Variants in ZNF839 observed in about 807,000 individuals in gnomAD.
ZNF839 encodes zinc finger protein 839, also known as renal carcinoma antigen NY-REN-50.
A neutral mutation model predicts 56.4 loss-of-function variants in ZNF839; 38 were observed. That is an observed-to-expected ratio of 0.67 (90% CI 0.52 to 0.88). The LOEUF (loss-of-function observed/expected upper bound fraction) is 0.88, where lower values mean the gene tolerates loss of function less well. ZNF839 is among the 40% of genes least tolerant of loss of function. The pLI is 0.00. For missense variants in ZNF839, 1,091 were observed against 1,177.6 expected (o/e 0.93, Z 1.08); for synonymous variants, 486 against 493.5 (o/e 0.98, Z 0.20).
intron 7 of ZNF839, among the ~76,000 whole-genome samples, chr14:102,339,894 C>A (rs1048879660): frequency 2.6e-5 from 4 of 152,180 alleles, no homozygotes; most frequent in Admixed American, 2.6e-4. Context: ...TGAGATTTAA[C>A]ATTTGAAAAC....
intron 2 of ZNF839, among the ~76,000 whole-genome samples, chr14:102,328,369 AAAAAAAATAT>A (rs1217885200): frequency 1.4e-4 from 5 of 35,126 alleles, no homozygotes; most frequent in African/African-American, 5.0e-4. Flanking sequence ...AAAAAAAAAA[AAAAAAAATAT>A]ATATATATAT....
At chr14:102,336,253 C>T (rs1035372541) in intron 5 of ZNF839, among the ~76,000 whole-genome samples, 11 of 149,960 alleles carry the variant, frequency 7.3e-5, no homozygotes, top group African/African-American at 1.7e-4. Flanking sequence ...TTTTCCTGTT[C>T]GACCTCATTT....
Position 102,342,109 on chromosome 14 carries a change from T to C in ZNF839, c.2714T>C (p.Ile905Thr), listed in dbSNP as rs1886599616. 1.9e-6 allele frequency: 3 copies of C among 1,613,860 alleles called. No individual in the cohort carries two copies. The highest frequency in any genetic ancestry group is 1.7e-5 in the Admixed American group (1 of 59,992). ...DGLILSPPGT[I>T]VSQEEDIVTV... ...CTTATCTTGTCCCCTCCAGGTACAA[T>C]AGTGTCTCAGGAGGAGGACATTGTC... The change falls in exon 8 of 8, where the codon ATA (isoleucine) becomes ACA (threonine). Residue 905 changes from isoleucine to threonine, a missense_variant. Transcript: ENST00000442396.
rs376304862 is a variant in ZNF839, at chr14:102,339,187, C to T, written c.1891C>T (p.Arg631Trp). The T allele has an allele frequency of 4.5e-5, 72 of 1,612,050 alleles. No individual in the cohort carries two copies. The highest frequency in any genetic ancestry group is 1.7e-4 in the African/African-American group (13 of 75,032). ...ATCTCTTGCTGCCAACAGCAGAGGC[C>T]GGGAGAAGCCCAGGCCCTTGCATGC... Reference protein sequence around the residue: ...TESLAANSRGREKPRPLHALA... With the variant: ...TESLAANSRGWEKPRPLHALA... The change falls in exon 7 of 8, where the codon CGG (arginine) becomes TGG (tryptophan). Residue 631 changes from arginine to tryptophan, a missense_variant. Arg to Trp is a moderately radical substitution (Grantham distance 101). This residue lies in a region of ZNF839 where 431 missense variants were observed against 468.0 expected (regional missense o/e 0.92). Transcript: ENST00000442396.
rs1290671948 is a variant in ZNF839 at position 102,341,377 on chromosome 14, C to T, written c.1982C>T (p.Thr661Ile). 2 of 1,545,458 alleles carry T rather than the reference C, an allele frequency of 1.3e-6. No individual in the cohort carries two copies. Among genetic ancestry groups the T allele is most frequent in the East Asian group, 2.3e-5 (1 of 44,336 alleles). ...TCTCCCCGTTCTGAAGAAAGCCATA[C>T]AACGACGGTTTCTGGTGGCAATGGG... Reference protein sequence around the residue: ...TVSPRSEESHTTTVSGGNGSV... With the variant: ...TVSPRSEESHITTVSGGNGSV... The change falls in exon 8 of 8, where the codon ACA becomes ATA. Residue 661 changes from threonine (T) to isoleucine (I), a missense_variant. By Grantham distance (89) the Thr-to-Ile change is moderately conservative. Transcript: ENST00000442396.
rs1323721804 is a variant in ZNF839, at chr14:102,339,167, T to C, written c.1871T>C (p.Leu624Pro). 3.7e-6 allele frequency: 6 copies of C among 1,612,872 alleles called. No homozygotes were observed. Among genetic ancestry groups the C allele is most frequent in the Non-Finnish European group, 5.1e-6 (6 of 1,179,346 alleles). ...EALSNDTTES[L>P]AANSRGREKP... ...CTGTCCAACGATACCACTGAATCTC[T>C]TGCTGCCAACAGCAGAGGCCGGGAG... Residue 624 changes from leucine (L) to proline (P), a missense_variant, in exon 7 of 8, where the codon CTT becomes CCT. Around this residue, in one of 3 missense-constraint regions of ZNF839, gnomAD observed 431 missense variants for 468.0 expected, o/e 0.92. Transcript: ENST00000442396.
chr14:102,322,046 A>G (rs1054364482), intron 1 of ZNF839, among the ~76,000 whole-genome samples: 1 of 152,072 alleles, frequency 6.6e-6, no homozygotes, highest in African/African-American at 2.4e-5. Context: ...CTTTTCATGC[A>G]TCCGTGCATT....
Position 102,341,439 on chromosome 14 carries a change from G to T in ZNF839, c.2044G>T (p.Ala682Ser), listed in dbSNP as rs780240804. 6.3e-7 allele frequency: 1 copy of T among 1,594,642 alleles called. No homozygotes were observed. The change falls in exon 8 of 8, where the codon GCT becomes TCT. Residue 682 changes from alanine (A) to serine (S), a missense_variant. Physicochemically the swap from Ala to Ser is moderately conservative, Grantham distance 99. Transcript: ENST00000442396. ...FQAGPQLQALANLEARRGSIG... is the reference protein window; with the variant it reads ...FQAGPQLQALSNLEARRGSIG... Reference sequence around the variant, plus strand: ...GGCGGGCCCGCAGCTTCAGGCACTGGCTAACTTAGAAGCCAGGAGGGGGTC... The same window carrying T: ...GGCGGGCCCGCAGCTTCAGGCACTGTCTAACTTAGAAGCCAGGAGGGGGTC...
chr14:102,326,668 G>T lies in ZNF839; in HGVS notation c.972G>T (p.Gly324=), dbSNP rs759175231. 1 of 1,612,814 alleles carries T rather than the reference G, an allele frequency of 6.2e-7. No homozygotes were observed. The highest frequency in any genetic ancestry group is 1.1e-5 in the South Asian group (1 of 90,890). The change falls in exon 2 of 8, where the codon GGG becomes GGT. Residue 324 remains glycine (G), a synonymous_variant. Transcript: ENST00000442396. The surrounding 1 kb of genome is among the most constrained non-coding windows in gnomAD (Gnocchi z 4.3). ...KCQTCEKSYI[G]KGGLARHFKL... ...AGACTTGTGAAAAGTCATATATAGG[G>T]AAGGGGGGACTGGCCCGACATTTTA...
chr14:102,334,556 C>A lies in ZNF839; in HGVS notation c.1419C>A (p.Phe473Leu). The A allele has an allele frequency of 6.2e-7, 1 of 1,608,888 alleles. No homozygotes were observed. Among genetic ancestry groups the A allele is most frequent in the Non-Finnish European group, 8.5e-7 (1 of 1,177,358 alleles). ...ASPSKARLKEFLQQCDREDLV... is the reference protein window; with the variant it reads ...ASPSKARLKELLQQCDREDLV... ...CATGAAATGCTTTCCCTTGGTAGTT[C>A]CTCCAGCAGTGTGACCGGGAGGATC... Residue 473 changes from phenylalanine (F) to leucine (L), a missense_variant and splice_region_variant, in exon 4 of 8, where the codon TTC becomes TTA. Physicochemically the swap from Phe to Leu is conservative, Grantham distance 22. This residue lies in a region of ZNF839 where 614 missense variants were observed against 629.2 expected (regional missense o/e 0.98). Coordinates refer to ENST00000442396, the MANE Select transcript of ZNF839 (RefSeq NM_018335.6).
intron 5 of ZNF839, 34 bp from the exon 6 acceptor site, chr14:102,338,782 G>A (rs1567297060): frequency 6.2e-7 from 1 of 1,612,954 alleles, no homozygotes. Context: ...TGCTGTTTGG[G>A]TGAAGTTTAT....
intron 1 of ZNF839, 97 bp downstream of exon 1, chr14:102,320,150 C>T (rs1296036042): frequency 6.7e-6 from 7 of 1,043,542 alleles, no homozygotes; most frequent in African/African-American, 5.1e-5. Context: ...AGTATCCGCC[C>T]GGGTTAAGAC....
intron 1 of ZNF839, among the ~76,000 whole-genome samples, chr14:102,323,636 T>C (rs1224968999): frequency 6.6e-6 from 1 of 152,186 alleles, no homozygotes; most frequent in Non-Finnish European, 1.5e-5. Flanking sequence ...GTTTTTTTTA[T>C]AGAATCCAGG....
chr14:102,338,754 T>C, intron 5 of ZNF839, 62 bp from the exon 6 acceptor site: 2 of 1,599,824 alleles, frequency 1.3e-6, no homozygotes, highest in Non-Finnish European at 1.7e-6. Flanking sequence ...TGCATGTGAA[T>C]GTGCTTCTGG....
upstream of ZNF839, chr14:102,319,619 G>C: frequency 8.8e-7 from 1 of 1,140,422 alleles, no homozygotes; most frequent in Non-Finnish European, 1.1e-6. This position sits in a 1 kb window ranked among gnomAD's most constrained non-coding sequence, Gnocchi z 4.5. Flanking sequence ...CTGGGGCGGG[G>C]CACTCCACGA....
intron 7 of ZNF839, among the ~76,000 whole-genome samples, chr14:102,339,951 C>G (rs564502531): frequency 1.3e-5 from 2 of 152,062 alleles, no homozygotes; most frequent in African/African-American, 4.8e-5. Flanking sequence ...AACCTATCAA[C>G]TAGGCACTTA....
At chr14:102,329,105 G>A (rs1025222275) in intron 2 of ZNF839, among the ~76,000 whole-genome samples, 5 of 151,514 alleles carry the variant, frequency 3.3e-5, no homozygotes, top group Non-Finnish European at 7.4e-5. Context: ...GAGTAGCTGG[G>A]ACTACAGGCA....
intron 7 of ZNF839, among the ~76,000 whole-genome samples, chr14:102,340,628 T>A (rs902621100): frequency 2.6e-5 from 4 of 152,032 alleles, no homozygotes; most frequent in African/African-American, 9.7e-5. Flanking sequence ...GAGGTTATTG[T>A]GAAATACAGG....
At position 102,338,992 on chromosome 14, in the gene ZNF839, G is replaced by A. The variant is rs375722246; in HGVS notation, c.1797+39G>A. 261 of 1,613,848 alleles carry A rather than the reference G, an allele frequency of 1.6e-4. 4 individuals are homozygous for A. The highest frequency in any genetic ancestry group is 1.2e-3 in the Middle Eastern group (7 of 6,062). ...AAGTGGGTGCCAGGTGACTGTGCAC[G>A]GTGAATTAGCGTGGTTTGGCTTCTT... is the stretch of plus-strand genomic sequence containing the variant. On this transcript the variant is annotated intron_variant, in intron 6 of 7. Transcript: ENST00000442396.
Sources: allele counts gnomAD v4.1 joint callset (sites outside exome capture counted in the v4.1 genomes callset), GRCh38; gene constraint gnomAD v4.1.1; regional missense constraint gnomAD v4.1.1; non-coding constraint Gnocchi (gnomAD v3.1); transcripts MANE v1.5; gene names NCBI Gene and HGNC (gene_info 2026-07-23, HGNC 2026-07-21).